The following TDRD3 variants were observed in gnomAD, a reference collection of about 807,000 sequenced individuals.
The protein encoded by TDRD3 is tudor domain-containing protein 3.
Under a neutral mutation model 86.7 loss-of-function variants are expected in TDRD3, and 45 were observed. That is an observed-to-expected ratio of 0.52 (90% CI 0.41 to 0.67). The LOEUF (loss-of-function observed/expected upper bound fraction) is 0.67, where lower values mean the gene tolerates loss of function less well. TDRD3 is among the 30% of genes least tolerant of loss of function. The pLI is 0.00. For synonymous variants in TDRD3, 298 were observed against 301.7 expected (o/e 0.99, Z 0.13); for missense variants, 814 against 889.0 (o/e 0.92, Z 1.07).
intron 1 of TDRD3, among the ~76,000 whole-genome samples, chr13:60,403,240 G>A (rs185650072): frequency 6.6e-5 from 10 of 151,886 alleles, no homozygotes; most frequent in African/African-American, 2.2e-4. Flanking sequence ...TGCTACCTCA[G>A]CAGGTTGAAA....
chr13:60,459,290 T>C (rs989077654), intron 3 of TDRD3, among the ~76,000 whole-genome samples: 1 of 152,184 alleles, frequency 6.6e-6, no homozygotes, highest in African/African-American at 2.4e-5. Context: ...ACAGCCTTTT[T>C]CCCCTAAGGT....
At chr13:60,482,948 C>A (rs1317277027) in intron 5 of TDRD3, among the ~76,000 whole-genome samples, 2 of 151,422 alleles carry the variant, frequency 1.3e-5, no homozygotes, top group Admixed American at 6.6e-5. Context: ...TATTAAGTAA[C>A]AACTAGTAAG....
chr13:60,556,661 G>C (rs1428884708), intron 12 of TDRD3, among the ~76,000 whole-genome samples: 1 of 152,064 alleles, frequency 6.6e-6, no homozygotes, highest in Non-Finnish European at 1.5e-5. Context: ...GCCTAATAGA[G>C]TACCTTCATG....
At chr13:60,539,466 T>C (rs1957765902) in intron 12 of TDRD3, among the ~76,000 whole-genome samples, 2 of 151,946 alleles carry the variant, frequency 1.3e-5, no homozygotes, top group African/African-American at 4.8e-5. Context: ...AAAATTAATG[T>C]GGAAGAAGAA....
intron 11 of TDRD3, among the ~76,000 whole-genome samples, chr13:60,534,395 A>C (rs1957652303): frequency 6.6e-6 from 1 of 152,170 alleles, no homozygotes. Context: ...AATATGCATC[A>C]GTTCTTAGAG....
chr13:60,438,268 T>C (rs950266405), intron 1 of TDRD3, among the ~76,000 whole-genome samples: 1 of 152,180 alleles, frequency 6.6e-6, no homozygotes, highest in African/African-American at 2.4e-5. Context: ...TAAATTATTA[T>C]AGCCATTTTG....
intron 1 of TDRD3, among the ~76,000 whole-genome samples, chr13:60,414,447 T>C (rs566174267): frequency 6.6e-6 from 1 of 152,282 alleles, no homozygotes; most frequent in East Asian, 1.9e-4. Flanking sequence ...CAATATTTAC[T>C]ATCTGGTTCT....
Position 60,501,734 on chromosome 13 carries a change from A to G in TDRD3, c.858+7159A>G, listed in dbSNP as rs558849699. On this transcript the variant is annotated intron_variant, in intron 8 of 13. Coordinates refer to ENST00000377881, the MANE Select transcript of TDRD3 (RefSeq NM_001146070.2). ...ACTTGTCCTGAACATCCCTCTTTTA[A>G]ACAACCAACTATTCTCTTTAGGACA... 2.1e-3 allele frequency among the ~76,000 whole-genome samples: 324 copies of G among 152,322 alleles called. 3 individuals carry two copies. Among genetic ancestry groups the G allele is most frequent in the African/African-American group, 7.4e-3 (306 of 41,574 alleles).
chr13:60,422,080 T>TG (rs1235680852), intron 1 of TDRD3, among the ~76,000 whole-genome samples: 1 of 152,196 alleles, frequency 6.6e-6, no homozygotes, highest in Non-Finnish European at 1.5e-5. Context: ...TCTATTTAAA[T>TG]GGGTAAGTCT....
At chr13:60,484,671 T>C (rs1174943095) in intron 6 of TDRD3, 1 of 446,812 alleles carries the variant, frequency 2.2e-6, no homozygotes, top group Non-Finnish European at 4.5e-6. Context: ...AAAAATAATG[T>C]TGATTTTTTT....
chr13:60,515,624 G>A (rs1444948694), intron 10 of TDRD3, among the ~76,000 whole-genome samples: 1 of 152,182 alleles, frequency 6.6e-6, no homozygotes, highest in Non-Finnish European at 1.5e-5. Flanking sequence ...GTATCGTTGT[G>A]TTACTTTCTC....
chr13:60,533,881 T>C (rs1043077922), intron 11 of TDRD3, among the ~76,000 whole-genome samples: 21 of 152,192 alleles, frequency 1.4e-4, no homozygotes, highest in Non-Finnish European at 7.3e-5. Context: ...ATATTAGTTA[T>C]TGAACAGATA....
rs1015212947 is a variant in TDRD3, at chr13:60,441,815, A to G, written c.126+2043A>G. Among the ~76,000 whole-genome samples the G allele has an allele frequency of 1.4e-4, 22 of 152,288 alleles. No individual in the cohort carries two copies. In the South Asian group the frequency reaches 2.1e-3, roughly 14 times the overall value. On this transcript the variant is annotated intron_variant, in intron 2 of 13. Coordinates refer to ENST00000377881, the MANE Select transcript of TDRD3 (RefSeq NM_001146070.2). ...CAATGAACACTGCAGTAACATGTATATAGTGTTTCTCTCCAGGGAAGCCCT... is the reference window on the plus strand; with the variant it reads ...CAATGAACACTGCAGTAACATGTATGTAGTGTTTCTCTCCAGGGAAGCCCT...
intron 12 of TDRD3, among the ~76,000 whole-genome samples, chr13:60,561,975 T>C (rs978167028): frequency 6.6e-6 from 1 of 152,078 alleles, no homozygotes; most frequent in Non-Finnish European, 1.5e-5. Context: ...TAATAATACA[T>C]GACTCCCATG....
chr13:60,516,676 G>A (rs1431766228), intron 10 of TDRD3, among the ~76,000 whole-genome samples: 1 of 152,168 alleles, frequency 6.6e-6, no homozygotes, highest in Non-Finnish European at 1.5e-5. Flanking sequence ...CTACAAGGTC[G>A]TTGGGAAGAT....
In TDRD3 at chr13:60,486,462, A is replaced by C. The variant is rs80331011; in HGVS notation, c.717+514A>C. 7.4e-3 allele frequency among the ~76,000 whole-genome samples: 1,121 copies of C among 152,190 alleles called. 17 individuals are homozygous for C. Among genetic ancestry groups the C allele is most frequent in the African/African-American group, 0.026 (1,060 of 41,542 alleles). On this transcript the variant is annotated intron_variant, in intron 7 of 13. Coordinates refer to ENST00000377881, the MANE Select transcript of TDRD3 (RefSeq NM_001146070.2). ...AATTTTATCTTTACATTATATGTCT[A>C]TTTACACACACACAAATCCTCCTTT...
intron 8 of TDRD3, among the ~76,000 whole-genome samples, chr13:60,508,423 A>T (rs540880489): frequency 2.6e-5 from 4 of 152,232 alleles, no homozygotes; most frequent in African/African-American, 4.8e-5. Flanking sequence ...AAACAAATAT[A>T]TAGACCAATG....
intron 10 of TDRD3, among the ~76,000 whole-genome samples, chr13:60,523,149 G>A (rs1268051306): frequency 6.6e-6 from 1 of 152,062 alleles, no homozygotes; most frequent in African/African-American, 2.4e-5. Flanking sequence ...ATTTCTTCAG[G>A]TAGGTGTATC....
At chr13:60,539,547 G>T (rs1335321202) in intron 12 of TDRD3, among the ~76,000 whole-genome samples, 2 of 151,466 alleles carry the variant, frequency 1.3e-5, no homozygotes, top group Non-Finnish European at 3.0e-5. Context: ...AGTAAAATTT[G>T]TTTTTAGGAG....
Sources: gnomAD v4.1 joint callset for allele counts (sites outside exome capture counted in the v4.1 genomes callset) on GRCh38, gnomAD v4.1.1 for gene constraint, MANE v1.5 for transcripts, NCBI Gene and HGNC (gene_info 2026-07-23, HGNC 2026-07-21) for gene names.